The following GTPBP10 variants were observed in gnomAD, a reference collection of about 807,000 sequenced individuals.
GTPBP10 encodes the protein GTP-binding protein 10.
A neutral mutation model predicts 44.8 loss-of-function variants in GTPBP10; 38 were observed. The ratio of observed to expected loss-of-function variants is 0.85; its 90% CI spans 0.65 to 1.11. GTPBP10 has a LOEUF of 1.11. Ranked by LOEUF, GTPBP10 falls within the 50% of genes most tolerant of loss-of-function variation. The probability of loss-of-function intolerance (pLI) is 0.00; values close to 1 mark genes in which losing one functional copy is unlikely to be tolerated. For missense variants in GTPBP10, 462 were observed against 453.7 expected, an observed-to-expected ratio of 1.02 and a Z score of -0.17; for synonymous variants, 152 against 150.6, an observed-to-expected ratio of 1.01 and a Z score of -0.07.
In GTPBP10 at chr7:90,385,788, C is replaced by T. The variant is rs1796514630; in HGVS notation, c.*634C>T. 6.6e-6 allele frequency: 1 copy of T among 151,904 alleles called. No individual in the cohort carries two copies. The highest frequency in any genetic ancestry group is 1.5e-5 in the Non-Finnish European group (1 of 67,992). The allele number at this position is 151,904 out of a possible 1,614,324, so 9.4% of individuals were successfully genotyped here. A position where few individuals can be genotyped will look rare whatever the true frequency, so the allele number is the denominator to read the frequency against. On this transcript the variant is annotated 3_prime_UTR_variant, in exon 10 of 10. Transcript: ENST00000222511. Reference sequence around the variant, plus strand: ...AATAACCAGTGGCCAGGCATGGTGGCTCATGCCTGTAATCCCAGCACTTTT... The same window carrying T: ...AATAACCAGTGGCCAGGCATGGTGGTTCATGCCTGTAATCCCAGCACTTTT...
chr7:90,380,723 T>G (rs1286039692), intron 8 of GTPBP10, among the ~76,000 whole-genome samples: 2 of 152,214 alleles, frequency 1.3e-5, no homozygotes, highest in African/African-American at 4.8e-5. Context: ...CATCATACTG[T>G]AAAATAGATC....
chr7:90,364,581 G>A (rs1796093973), intron 4 of GTPBP10, among the ~76,000 whole-genome samples: 1 of 152,174 alleles, frequency 6.6e-6, no homozygotes, highest in Non-Finnish European at 1.5e-5. Context: ...CGGGGATCAG[G>A]GACCCACTTG....
chr7:90,384,796 T>G, intron 9 of GTPBP10, 96 bp from the exon 10 acceptor site: 2 of 1,252,578 alleles, frequency 1.6e-6, no homozygotes, highest in Non-Finnish European at 2.2e-6. Context: ...AAAATGCTGG[T>G]GTTGGTTCCC....
At chr7:90,383,978 TTC>T (rs1274088817) in intron 9 of GTPBP10, among the ~76,000 whole-genome samples, 2 of 152,214 alleles carry the variant, frequency 1.3e-5, no homozygotes, top group Non-Finnish European at 2.9e-5. Flanking sequence ...GATATAAATA[TTC>T]TCTGATACTA....
At chr7:90,346,835 T>C in intron 1 of GTPBP10, 61 bp downstream of exon 1, 1 of 1,547,756 alleles carries the variant, frequency 6.5e-7, no homozygotes, top group Non-Finnish European at 8.9e-7. Context: ...TCTTCTTTGC[T>C]CCCCTGTCTC....
chr7:90,347,501 GAAA>G (rs969290647), intron 1 of GTPBP10: 2 of 460,134 alleles, frequency 4.3e-6, no homozygotes, highest in African/African-American at 2.1e-5. Context: ...CAACTTTCTT[GAAA>G]AAAAAATCCC....
intron 1 of GTPBP10, among the ~76,000 whole-genome samples, chr7:90,352,295 G>A (rs961785469): frequency 7.2e-5 from 11 of 152,216 alleles, no homozygotes; most frequent in South Asian, 2.1e-4. Context: ...GATTTTACCT[G>A]GGGAAGAGTT....
At position 90,375,905 on chromosome 7, in the gene GTPBP10, A is replaced by G. The variant is rs567184132; in HGVS notation, c.591+1551A>G. 1.7e-3 allele frequency among the ~76,000 whole-genome samples: 255 copies of G among 152,076 alleles called. 4 individuals are homozygous for G. The highest frequency in any genetic ancestry group is 2.4e-4 in the Non-Finnish European group (16 of 67,976). ...CATTTGTAGCTTCTAAGAGTTCCCTACGTGATTATGATGCACAGTGAGGTT... is the reference window on the plus strand; with the variant it reads ...CATTTGTAGCTTCTAAGAGTTCCCTGCGTGATTATGATGCACAGTGAGGTT... On this transcript the variant is annotated intron_variant, in intron 6 of 9. Coordinates refer to ENST00000222511, the MANE Select transcript of GTPBP10 (RefSeq NM_033107.4).
intron 4 of GTPBP10, among the ~76,000 whole-genome samples, chr7:90,357,134 T>C (rs1167567578): frequency 1.3e-5 from 2 of 152,202 alleles, no homozygotes; most frequent in East Asian, 3.8e-4. Context: ...GTGCTGCTGT[T>C]GTCAGATCTG....
chr7:90,354,443 CTT>C lies in GTPBP10; in HGVS notation c.228-7_228-6del. ...ACACACACATACATACATATATATACTTTTTTTTTGGTAGAATTAGTGCACTG... is the reference window on the plus strand; with the variant it reads ...ACACACACATACATACATATATATACTTTTTTTGGTAGAATTAGTGCACTG... On this transcript the variant is annotated splice_polypyrimidine_tract_variant and intron_variant, in intron 2 of 9. Transcript: ENST00000222511. The C allele has an allele frequency of 6.6e-6, 9 of 1,366,178 alleles. No individual in the cohort carries two copies. The highest frequency in any genetic ancestry group is 1.9e-4 in the Middle Eastern group (1 of 5,244). The allele number at this position is 1,366,178 out of a possible 1,614,324, so 84.6% of individuals were successfully genotyped here. A position where few individuals can be genotyped will look rare whatever the true frequency, so the allele number is the denominator to read the frequency against.
chr7:90,357,214 T>C (rs1795920052), intron 4 of GTPBP10, among the ~76,000 whole-genome samples: 1 of 152,208 alleles, frequency 6.6e-6, no homozygotes, highest in Admixed American at 6.6e-5. Context: ...ATTTCAAATA[T>C]CTGTTATTCA....
At chr7:90,361,250 G>A (rs996207374) in intron 4 of GTPBP10, among the ~76,000 whole-genome samples, 1 of 152,176 alleles carries the variant, frequency 6.6e-6, no homozygotes, top group Non-Finnish European at 1.5e-5. Flanking sequence ...TGTCCATTCA[G>A]TAATGATATT....
chr7:90,363,270 T>C (rs1297444823), intron 4 of GTPBP10, among the ~76,000 whole-genome samples: 1 of 152,188 alleles, frequency 6.6e-6, no homozygotes, highest in Non-Finnish European at 1.5e-5. Context: ...CAGTGGCTGG[T>C]ACCGGTTGTT....
intron 6 of GTPBP10, 107 bp downstream of exon 6, chr7:90,374,461 A>G (rs1413755424): frequency 8.7e-6 from 6 of 686,218 alleles, no homozygotes; most frequent in Non-Finnish European, 2.6e-6. Context: ...TTAGGGGAGA[A>G]AAAGTAACAA....
rs776527786 is a variant in GTPBP10, at chr7:90,384,849, C to T, written c.902-43C>T. On this transcript the variant is annotated intron_variant, in intron 9 of 9. Coordinates refer to ENST00000222511, the MANE Select transcript of GTPBP10 (RefSeq NM_033107.4). ...CATTAACATGGTTTTAACTAACTTTCGAAAACAATGGAAATCAGCTTTGTT... is the reference window on the plus strand; with the variant it reads ...CATTAACATGGTTTTAACTAACTTTTGAAAACAATGGAAATCAGCTTTGTT... 2.5e-5 allele frequency: 39 copies of T among 1,544,478 alleles called. No individual in the cohort carries two copies. In the South Asian group the frequency reaches 2.9e-4, roughly 12 times the overall value.
chr7:90,347,379 A>C (rs548466708), intron 1 of GTPBP10: 11 of 152,758 alleles, frequency 7.2e-5, no homozygotes, highest in African/African-American at 2.2e-4. Context: ...TACTCCTTTT[A>C]AGTAAGGCTC....
At chr7:90,361,410 G>T in intron 4 of GTPBP10, among the ~76,000 whole-genome samples, 1 of 30,116 alleles carries the variant, frequency 3.3e-5, no homozygotes, top group African/African-American at 2.2e-4. Flanking sequence ...TTTGTCATTG[G>T]TTCTGTTTAT....
intron 4 of GTPBP10, among the ~76,000 whole-genome samples, chr7:90,359,761 A>G (rs956481137): frequency 2.0e-4 from 30 of 152,148 alleles, no homozygotes; most frequent in Admixed American, 1.9e-3. Context: ...CCCACCAACA[A>G]TGTAGAAGTG....
intron 4 of GTPBP10, among the ~76,000 whole-genome samples, chr7:90,358,098 A>C (rs545037688): frequency 3.9e-5 from 6 of 152,334 alleles, no homozygotes; most frequent in African/African-American, 1.4e-4. Flanking sequence ...TCAGGTTACA[A>C]AATCAGTATA....
Sources: allele counts gnomAD v4.1 joint callset (sites outside exome capture counted in the v4.1 genomes callset), GRCh38; gene constraint gnomAD v4.1.1; transcripts MANE v1.5; gene names NCBI Gene and HGNC (gene_info 2026-07-23, HGNC 2026-07-21).